Variants in FRMD6 observed in about 807,000 individuals in gnomAD.
FRMD6 encodes FERM domain-containing protein 6.
Under a neutral mutation model 73.2 loss-of-function variants are expected in FRMD6, and 37 were observed. The ratio of observed to expected loss-of-function variants is 0.51; its 90% CI spans 0.39 to 0.66. The LOEUF (loss-of-function observed/expected upper bound fraction) is 0.66. Among genes scored for constraint, FRMD6 ranks in the 30% least tolerant of loss-of-function variants. The pLI, the probability that FRMD6 is intolerant of heterozygous loss-of-function variation, is 0.00. For synonymous variants in FRMD6, 273 were observed against 282.2 expected (o/e 0.97, Z 0.33); for missense variants, 714 against 780.5 (o/e 0.91, Z 1.02).
At chr14:51,546,504 G>C (rs187054148) in intron 1 of FRMD6, 22 of 147,286 alleles carry the variant, frequency 1.5e-4, no homozygotes, top group African/African-American at 5.3e-4. Flanking sequence ...TATCTAATGG[G>C]GTAAAGGTAA....
intron 1 of FRMD6, among the ~76,000 whole-genome samples, chr14:51,498,231 C>G (rs186385662): frequency 4.1e-4 from 63 of 152,308 alleles, no homozygotes; most frequent in Non-Finnish European, 8.7e-4. Flanking sequence ...GTATCAGGTA[C>G]AGTTTTTGCT....
intron 9 of FRMD6, chr14:51,713,913 T>C (rs1474057620): frequency 6.6e-6 from 1 of 152,152 alleles, no homozygotes; most frequent in African/African-American, 2.4e-5. Context: ...AATTGAGGGT[T>C]TTTTAGGGTC....
upstream of FRMD6, among the ~76,000 whole-genome samples, chr14:51,487,785 A>T (rs1882805960): frequency 6.6e-6 from 1 of 152,232 alleles, no homozygotes; most frequent in Non-Finnish European, 1.5e-5. Flanking sequence ...AGAGTGAAGC[A>T]AAAGGAAACT....
At chr14:51,412,296 G>T in the FRMD6 span, among the ~76,000 whole-genome samples, 7 of 152,088 alleles carry the variant, frequency 4.6e-5, no homozygotes, top group African/African-American at 1.7e-4. Context: ...CGATTCTGTG[G>T]ATAATTTTGT....
chr14:51,480,817 G>A, the FRMD6 span, among the ~76,000 whole-genome samples: 1 of 152,140 alleles, frequency 6.6e-6, no homozygotes, highest in East Asian at 1.9e-4. Context: ...GCAGTGCCTG[G>A]CAAATATTAG....
chr14:51,419,840 T>G, the FRMD6 span, among the ~76,000 whole-genome samples: 7 of 152,134 alleles, frequency 4.6e-5, no homozygotes, highest in South Asian at 2.1e-4. Context: ...GTGACTTCCT[T>G]CCCTCATTTG....
chr14:51,688,816 A>G (rs1017338167), intron 1 of FRMD6, among the ~76,000 whole-genome samples: 2 of 152,252 alleles, frequency 1.3e-5, no homozygotes, highest in African/African-American at 4.8e-5. Context: ...CACTAATGCA[A>G]TGAGACATAA....
chr14:51,481,330 C>T, the FRMD6 span, among the ~76,000 whole-genome samples: 1 of 152,124 alleles, frequency 6.6e-6, no homozygotes, highest in Non-Finnish European at 1.5e-5. Context: ...AAGTGAAAAG[C>T]ATGTCTTATA....
At chr14:51,710,493 A>G (rs1369555676) in intron 7 of FRMD6, among the ~76,000 whole-genome samples, 1 of 152,198 alleles carries the variant, frequency 6.6e-6, no homozygotes, top group Non-Finnish European at 1.5e-5. Flanking sequence ...CAAAACTCAT[A>G]TAATGATGGA....
chr14:51,507,949 A>G (rs1474473635), intron 1 of FRMD6, among the ~76,000 whole-genome samples: 1 of 152,126 alleles, frequency 6.6e-6, no homozygotes, highest in Non-Finnish European at 1.5e-5. Flanking sequence ...GCCTTCCAGA[A>G]TGCTCCGGGC....
chr14:51,700,992 C>G, intron 3 of FRMD6, 64 bp from the exon 4 acceptor site: 1 of 719,690 alleles, frequency 1.4e-6, no homozygotes, highest in Non-Finnish European at 2.1e-6. Flanking sequence ...TTGTTTCTTT[C>G]TATATTTTTT....
At chr14:51,601,775 T>TC (rs962523511) in intron 2 of FRMD6, among the ~76,000 whole-genome samples, 2 of 152,250 alleles carry the variant, frequency 1.3e-5, no homozygotes, top group Non-Finnish European at 2.9e-5. Flanking sequence ...CAGACAAATG[T>TC]CCCTGACTGC....
chr14:51,639,239 T>C (rs893032415), intron 2 of FRMD6, among the ~76,000 whole-genome samples: 1 of 151,976 alleles, frequency 6.6e-6, no homozygotes, highest in Non-Finnish European at 1.5e-5. Context: ...ATCGAGACCA[T>C]GCTGACCAAC....
Position 51,607,214 on chromosome 14 carries a change from G to A in FRMD6, c.-147+36804G>A, listed in dbSNP as rs145463797. 3.1e-4 allele frequency among the ~76,000 whole-genome samples: 47 copies of A among 152,244 alleles called. 3 individuals carry two copies. In the East Asian group the frequency reaches 7.5e-3, roughly 24 times the overall value. On this transcript the variant is annotated intron_variant, in intron 2 of 14. Coordinates refer to the FRMD6 transcript ENST00000356218. ...ACCTAACACTGGCCATCACGCTGCT[G>A]TGGGGGACAGCGGGAGAATGGAAGA... is the stretch of plus-strand genomic sequence containing the variant.
the FRMD6 span, among the ~76,000 whole-genome samples, chr14:51,460,536 G>A: frequency 6.6e-6 from 1 of 152,120 alleles, no homozygotes; most frequent in South Asian, 2.1e-4. Flanking sequence ...TAATTACAGG[G>A]TCAAGGACGT....
Position 51,728,256 on chromosome 14 carries a change from G to T in FRMD6, c.*227G>T, listed in dbSNP as rs1041742848. ...TGTACAGCAAGACAAGTGCCCGGAAGTTCACTGATCCTTCAGAAGGAAATG... is the reference window on the plus strand; with the variant it reads ...TGTACAGCAAGACAAGTGCCCGGAATTTCACTGATCCTTCAGAAGGAAATG... On this transcript the variant is annotated 3_prime_UTR_variant, in exon 14 of 14. Transcript: ENST00000344768. 1 of 506,456 alleles carries T rather than the reference G, an allele frequency of 2.0e-6. No individual in the cohort carries two copies. Among genetic ancestry groups the T allele is most frequent in the Non-Finnish European group, 3.5e-6 (1 of 285,864 alleles). 31.4% of individuals were successfully genotyped at this position (506,456 alleles called of 1,614,324 possible).
intron 1 of FRMD6, among the ~76,000 whole-genome samples, chr14:51,519,560 G>A (rs1401476968): frequency 6.6e-6 from 1 of 152,222 alleles, no homozygotes; most frequent in Non-Finnish European, 1.5e-5. Context: ...CCAATTTTGA[G>A]AGCTTAGAAG....
chr14:51,694,502 C>T (rs1244451987), intron 2 of FRMD6, among the ~76,000 whole-genome samples: 1 of 152,060 alleles, frequency 6.6e-6, no homozygotes, highest in Non-Finnish European at 1.5e-5. Flanking sequence ...CCAGGCTGGG[C>T]AACATAGTGA....
chr14:51,533,073 C>G (rs960691788), intron 1 of FRMD6, among the ~76,000 whole-genome samples: 2 of 152,216 alleles, frequency 1.3e-5, no homozygotes, highest in African/African-American at 4.8e-5. Flanking sequence ...TCTGCCTCCT[C>G]CATGTCTTGC....
Sources: gnomAD v4.1 joint callset for allele counts (sites outside exome capture counted in the v4.1 genomes callset) on GRCh38, gnomAD v4.1.1 for gene constraint, MANE v1.5 for transcripts, NCBI Gene and HGNC (gene_info 2026-07-23, HGNC 2026-07-21) for gene names.